RTF2: variants seen among roughly 807,000 people sequenced by gnomAD.
RTF2 encodes UPF0549 protein C20orf43.
In RTF2, 18 loss-of-function variants were observed where a neutral mutation model predicts 38.0. The ratio of observed to expected loss-of-function variants is 0.47; its 90% CI spans 0.33 to 0.70. The LOEUF (loss-of-function observed/expected upper bound fraction) is 0.70. Ranked by LOEUF, RTF2 falls within the 30% of genes least tolerant of loss-of-function variation. The probability of loss-of-function intolerance (pLI) is 0.02; values close to 1 mark genes in which losing one functional copy is unlikely to be tolerated. For missense variants in RTF2, 311 were observed against 379.6 expected, an observed-to-expected ratio of 0.82 and a Z score of 1.50; for synonymous variants, 126 against 137.1, an observed-to-expected ratio of 0.92 and a Z score of 0.57.
intron 5 of RTF2, among the ~76,000 whole-genome samples, chr20:56,492,707 G>C (rs1983239846): frequency 6.6e-6 from 1 of 152,008 alleles, no homozygotes; most frequent in Non-Finnish European, 1.5e-5. Context: ...GTAACACTCT[G>C]AAGTGGATTC....
intron 4 of RTF2, among the ~76,000 whole-genome samples, chr20:56,478,261 G>A (rs1440504288): frequency 6.6e-6 from 1 of 152,214 alleles, no homozygotes; most frequent in East Asian, 1.9e-4. Flanking sequence ...GGCCGAGACA[G>A]GAGGATTGCT....
rs141608863 is a variant in RTF2 at position 56,494,060 on chromosome 20, A to T, written c.477+9871A>T. Among the ~76,000 whole-genome samples, 434 of 152,166 alleles carry T rather than the reference A, an allele frequency of 2.9e-3. 2 individuals are homozygous for T. The highest frequency in any genetic ancestry group is 9.9e-3 in the African/African-American group (413 of 41,520). ...TAAAGGGTGAATAATGATTGTTTCTACCTGAGAATTGTTGTGAGGATTGAG... is the reference window on the plus strand; with the variant it reads ...TAAAGGGTGAATAATGATTGTTTCTTCCTGAGAATTGTTGTGAGGATTGAG... On this transcript the variant is annotated intron_variant, in intron 5 of 8. Coordinates refer to ENST00000357348, the MANE Select transcript of RTF2 (RefSeq NM_016407.5).
chr20:56,513,662 G>T, intron 6 of RTF2: 1 of 422,878 alleles, frequency 2.4e-6, no homozygotes, highest in Non-Finnish European at 4.4e-6. Context: ...GTGAAGTGGG[G>T]TAGTGACAGC....
chr20:56,489,081 A>T (rs970572764), intron 5 of RTF2, among the ~76,000 whole-genome samples: 1 of 151,272 alleles, frequency 6.6e-6, no homozygotes, highest in Admixed American at 6.6e-5. Flanking sequence ...TTTTAGATGG[A>T]GTCTTGCTCT....
At chr20:56,504,641 C>T (rs1242411732) in intron 5 of RTF2, among the ~76,000 whole-genome samples, 1 of 152,182 alleles carries the variant, frequency 6.6e-6, no homozygotes, top group Non-Finnish European at 1.5e-5. Context: ...GCTAGGCTTT[C>T]CTCTTCCCTT....
chr20:56,481,097 T>C (rs1057190767), intron 4 of RTF2, among the ~76,000 whole-genome samples: 6 of 152,164 alleles, frequency 3.9e-5, no homozygotes, highest in African/African-American at 1.4e-4. Flanking sequence ...TATGCCTATA[T>C]CCTTAATAGC....
At chr20:56,495,105 C>T (rs1983427195) in intron 5 of RTF2, 2 of 841,940 alleles carry the variant, frequency 2.4e-6, no homozygotes, top group South Asian at 3.1e-5. Flanking sequence ...TTACTTTAAA[C>T]ATGATCCTCC....
In RTF2 at chr20:56,518,288, GC is replaced by G. The variant is rs1216613931; in HGVS notation, c.*27del. ...TGAAGCCCGCACTGCCACCGCTCCT[GC>G]CCCAGAAGGTTGTTTAGTTTCCACG... On this transcript the variant is annotated 3_prime_UTR_variant, in exon 9 of 9. Transcript: ENST00000357348. The G allele has an allele frequency of 6.3e-7, 1 of 1,598,900 alleles. No individual in the cohort carries two copies. The highest frequency in any genetic ancestry group is 1.8e-5 in the Admixed American group (1 of 56,474).
At chr20:56,507,313 C>T (rs1238392756) in intron 5 of RTF2, among the ~76,000 whole-genome samples, 6 of 152,080 alleles carry the variant, frequency 3.9e-5, no homozygotes, top group Non-Finnish European at 2.9e-5. Context: ...TCAGGTCTCT[C>T]GGGTCAAGCA....
At chr20:56,509,302 C>G (rs1267571559) in intron 5 of RTF2, among the ~76,000 whole-genome samples, 2 of 152,102 alleles carry the variant, frequency 1.3e-5, no homozygotes, top group Non-Finnish European at 2.9e-5. Context: ...GCACTTCACT[C>G]CCATTAGGAT....
At chr20:56,487,812 A>G (rs1982874342) in intron 5 of RTF2, among the ~76,000 whole-genome samples, 1 of 152,226 alleles carries the variant, frequency 6.6e-6, no homozygotes, top group South Asian at 2.1e-4. Flanking sequence ...ATTGGCTTCT[A>G]GACGGCCTTC....
At chr20:56,489,840 G>A (rs551166566) in intron 5 of RTF2, among the ~76,000 whole-genome samples, 1 of 152,332 alleles carries the variant, frequency 6.6e-6, no homozygotes, top group East Asian at 1.9e-4. Flanking sequence ...TAAAATACCG[G>A]GGACATAATC....
intron 5 of RTF2, among the ~76,000 whole-genome samples, chr20:56,501,374 AAATT>A (rs1372524177): frequency 1.3e-5 from 2 of 152,194 alleles, no homozygotes; most frequent in Non-Finnish European, 2.9e-5. Flanking sequence ...TTCTGTCACT[AAATT>A]AATTTCCAGT....
Position 56,479,058 on chromosome 20 carries a change from A to G in RTF2, c.398+1934A>G, listed in dbSNP as rs531274733. ...AGTAATTCAGTCATCTTCAGGCTCC[A>G]CTTTTCTCATTCTCTTGCCATTCTA... is the stretch of plus-strand genomic sequence containing the variant. On this transcript the variant is annotated intron_variant, in intron 4 of 8. Coordinates refer to ENST00000357348, the MANE Select transcript of RTF2 (RefSeq NM_016407.5). 2.6e-5 allele frequency among the ~76,000 whole-genome samples: 4 copies of G among 152,216 alleles called. No homozygotes were observed. In the South Asian group the frequency reaches 8.3e-4, roughly 32 times the overall value.
In RTF2 at chr20:56,474,698, T is replaced by C; in HGVS notation, c.185T>C (p.Val62Ala). The change falls in exon 3 of 9, where the codon GTC (valine) becomes GCC (alanine). Residue 62 changes from valine to alanine, a missense_variant. Coordinates refer to ENST00000357348, the MANE Select transcript of RTF2 (RefSeq NM_016407.5). ...TGCAGACTTTATAACAAAGATGCCG[T>C]CATTGAATTTCTCTTGGACAAATCT... ...ELGRLYNKDAVIEFLLDKSAE... is the reference protein window; with the variant it reads ...ELGRLYNKDAAIEFLLDKSAE... 6.2e-7 allele frequency: 1 copy of C among 1,609,776 alleles called. No homozygotes were observed. Among genetic ancestry groups the C allele is most frequent in the Non-Finnish European group, 8.5e-7 (1 of 1,178,384 alleles).
intron 1 of RTF2, among the ~76,000 whole-genome samples, chr20:56,470,260 C>A (rs1326444268): frequency 6.6e-6 from 1 of 152,114 alleles, no homozygotes; most frequent in Non-Finnish European, 1.5e-5. Flanking sequence ...GTTTTGTTTT[C>A]TTGTGCCCAG....
intron 1 of RTF2, chr20:56,471,734 T>A (rs1981982440): frequency 6.6e-6 from 1 of 152,306 alleles, no homozygotes; most frequent in East Asian, 1.9e-4. Flanking sequence ...AAGGAGTGAT[T>A]TGTCACTTTT....
intron 5 of RTF2, among the ~76,000 whole-genome samples, chr20:56,505,727 T>C (rs939917250): frequency 5.9e-5 from 9 of 152,174 alleles, no homozygotes; most frequent in Non-Finnish European, 1.3e-4. Context: ...TCCACATTGC[T>C]GCGGGAAATG....
intron 4 of RTF2, among the ~76,000 whole-genome samples, chr20:56,483,655 A>G (rs1982637187): frequency 1.3e-5 from 2 of 152,178 alleles, no homozygotes; most frequent in South Asian, 4.1e-4. Flanking sequence ...ACTGCCCGAT[A>G]GGTAAAAAAT....
Sources: gnomAD v4.1 joint callset for allele counts (sites outside exome capture counted in the v4.1 genomes callset) on GRCh38, gnomAD v4.1.1 for gene constraint, MANE v1.5 for transcripts, NCBI Gene and HGNC (gene_info 2026-07-23, HGNC 2026-07-21) for gene names.